The following SIPA1L3 variants were observed in gnomAD, a reference collection of about 807,000 sequenced individuals.
SIPA1L3 encodes the protein signal induced proliferation associated 1 like 3, also known as signal-induced proliferation-associated 1-like protein 3.
A neutral mutation model predicts 150.1 loss-of-function variants in SIPA1L3; 59 were observed. The ratio of observed to expected loss-of-function variants is 0.39; its 90% CI spans 0.32 to 0.49. The LOEUF is 0.49. SIPA1L3 is among the 20% of genes least tolerant of loss of function. The probability of loss-of-function intolerance (pLI) is 0.86; values close to 1 mark genes in which losing one functional copy is unlikely to be tolerated. For synonymous variants in SIPA1L3, 1,070 were observed against 1,077.6 expected (o/e 0.99, Z 0.14); for missense variants, 2,211 against 2,489.5 (o/e 0.89, Z 2.38).
At chr19:38,004,205 G>A (rs1967880292) in intron 1 of SIPA1L3, among the ~76,000 whole-genome samples, 1 of 152,244 alleles carries the variant, frequency 6.6e-6, no homozygotes, top group Non-Finnish European at 1.5e-5. Context: ...TGGGGAGGCG[G>A]TGGGCAAGTT....
chr19:38,137,520 A>G (rs1396790408), intron 10 of SIPA1L3, among the ~76,000 whole-genome samples: 1 of 151,360 alleles, frequency 6.6e-6, no homozygotes, highest in Non-Finnish European at 1.5e-5. Context: ...GATGGGGTCT[A>G]GAACTCCTGG....
At chr19:37,970,271 G>T (rs1966899462) in intron 1 of SIPA1L3, among the ~76,000 whole-genome samples, 1 of 152,208 alleles carries the variant, frequency 6.6e-6, no homozygotes, top group African/African-American at 2.4e-5. Flanking sequence ...GATGCCCAAA[G>T]TGACTTTCCT....
intron 1 of SIPA1L3, among the ~76,000 whole-genome samples, chr19:37,981,845 A>T (rs1281393280): frequency 1.3e-5 from 2 of 152,232 alleles, no homozygotes; most frequent in African/African-American, 4.8e-5. Flanking sequence ...GTCATTGGCC[A>T]TAGAAAGTTA....
intron 1 of SIPA1L3, among the ~76,000 whole-genome samples, chr19:37,925,974 TTCCCA>T (rs1173296202): frequency 6.6e-6 from 1 of 152,186 alleles, no homozygotes; most frequent in Admixed American, 6.5e-5. Flanking sequence ...CCCAGTTCCC[TTCCCA>T]AGAGACCACC....
intron 13 of SIPA1L3, among the ~76,000 whole-genome samples, chr19:38,158,555 C>A (rs1265968874): frequency 6.6e-6 from 1 of 152,168 alleles, no homozygotes; most frequent in Non-Finnish European, 1.5e-5. Context: ...GGGGCAGGAT[C>A]TGACTCGGGT....
At chr19:38,182,326 C>T (rs553394710) in intron 15 of SIPA1L3, among the ~76,000 whole-genome samples, 193 bp from the exon 16 acceptor site, 49 of 152,118 alleles carry the variant, frequency 3.2e-4, no homozygotes, top group African/African-American at 1.1e-3. Flanking sequence ...TGGGATTAGG[C>T]GCTGTGCAGG....
chr19:38,099,624 C>T (rs1970456681), intron 4 of SIPA1L3, among the ~76,000 whole-genome samples: 1 of 152,126 alleles, frequency 6.6e-6, no homozygotes. Flanking sequence ...CAGTGCCTCA[C>T]AGGAGGCACT....
chr19:37,975,376 CA>C (rs1967050049), intron 1 of SIPA1L3, among the ~76,000 whole-genome samples: 1 of 152,064 alleles, frequency 6.6e-6, no homozygotes, highest in Non-Finnish European at 1.5e-5. Flanking sequence ...AGAGCACTTC[CA>C]GGGGGAACTG....
chr19:38,179,648 G>A (rs1600177371), intron 15 of SIPA1L3, among the ~76,000 whole-genome samples: 1 of 151,980 alleles, frequency 6.6e-6, no homozygotes, highest in South Asian at 2.1e-4. Context: ...ATCCATATGT[G>A]TTTTAACCCA....
At chr19:37,980,141 A>G (rs575806657) in intron 1 of SIPA1L3, among the ~76,000 whole-genome samples, 158 of 152,346 alleles carry the variant, frequency 1.0e-3, no homozygotes, top group African/African-American at 3.7e-3. Flanking sequence ...GCACTTAAAT[A>G]AAAAATAGGT....
In SIPA1L3 at chr19:38,204,127, C is replaced by T. The variant is rs1020945339; in HGVS notation, c.5121C>T (p.Ser1707=). 2.4e-5 allele frequency: 38 copies of T among 1,555,946 alleles called. No individual in the cohort carries two copies. The highest frequency in any genetic ancestry group is 3.0e-5 in the Non-Finnish European group (34 of 1,149,122). ...PPTPRTTPTM[S]EEPPLDLTGK... ...CTGACCTTGTCCCTGGTTTTTCCAG[C>T]GAGGAGCCACCCCTGGATCTGACAG... The change falls in exon 21 of 22, where the codon AGC becomes AGT. Residue 1707 remains serine, a splice_region_variant and synonymous_variant. Transcript: ENST00000222345.
chr19:38,143,696 G>A (rs778799944), intron 12 of SIPA1L3, among the ~76,000 whole-genome samples: 9 of 151,678 alleles, frequency 5.9e-5, no homozygotes, highest in Non-Finnish European at 1.0e-4. Flanking sequence ...TCGCCACCAC[G>A]CCCAGCTAAT....
At chr19:37,926,036 T>C (rs774825304) in intron 1 of SIPA1L3, among the ~76,000 whole-genome samples, 3 of 152,236 alleles carry the variant, frequency 2.0e-5, no homozygotes, top group Admixed American at 6.5e-5. Context: ...CACTACATTA[T>C]CTGAGTGAGT....
intron 1 of SIPA1L3, among the ~76,000 whole-genome samples, chr19:38,025,808 G>A (rs1178063097): frequency 6.6e-6 from 1 of 152,178 alleles, no homozygotes; most frequent in African/African-American, 2.4e-5. Flanking sequence ...GCCCTGCCAA[G>A]CATCTTGAAA....
At chr19:38,100,800 C>T (rs1288650924) in intron 5 of SIPA1L3, among the ~76,000 whole-genome samples, 1 of 152,244 alleles carries the variant, frequency 6.6e-6, no homozygotes, top group Non-Finnish European at 1.5e-5. Context: ...CACCAGCCGT[C>T]CTCCACCCGC....
chr19:38,190,422 A>G (rs1034943945), intron 16 of SIPA1L3, among the ~76,000 whole-genome samples: 1 of 152,206 alleles, frequency 6.6e-6, no homozygotes, highest in African/African-American at 2.4e-5. Context: ...CACATCCCTG[A>G]TAACTGACAG....
intron 1 of SIPA1L3, among the ~76,000 whole-genome samples, chr19:37,949,992 G>T (rs1395696928): frequency 6.8e-6 from 1 of 147,974 alleles, no homozygotes; most frequent in Non-Finnish European, 1.5e-5. Context: ...CAGGAGAATC[G>T]CTTGAACCCG....
At chr19:38,125,199 C>T (rs1015383801) in intron 9 of SIPA1L3, among the ~76,000 whole-genome samples, 1 of 152,158 alleles carries the variant, frequency 6.6e-6, no homozygotes, top group African/African-American at 2.4e-5. Flanking sequence ...CCATGCTCAG[C>T]TAATTTTTGC....
At chr19:38,034,907 TGCCC>T (rs1968745058) in intron 2 of SIPA1L3, among the ~76,000 whole-genome samples, 1 of 152,212 alleles carries the variant, frequency 6.6e-6, no homozygotes, top group Non-Finnish European at 1.5e-5. Flanking sequence ...GCGCCTCCCC[TGCCC>T]GTCCCTGTAG....
Sources: allele counts gnomAD v4.1 joint callset (sites outside exome capture counted in the v4.1 genomes callset), GRCh38; gene constraint gnomAD v4.1.1; transcripts MANE v1.5; gene names NCBI Gene and HGNC (gene_info 2026-07-23, HGNC 2026-07-21).